The following EPG5 variants were observed in gnomAD, a reference collection of about 807,000 sequenced individuals.
EPG5 encodes ectopic P granules protein 5 homolog.
Under a neutral mutation model 302.7 loss-of-function variants are expected in EPG5, and 159 were observed. That is an observed-to-expected ratio of 0.53 (90% confidence interval 0.46 to 0.60). The LOEUF is 0.60. Among genes scored for constraint, EPG5 ranks in the 20% least tolerant of loss-of-function variants. The pLI is 0.00. For missense variants in EPG5, 2,896 were observed against 3,092.4 expected (o/e 0.94, Z 1.51); for synonymous variants, 1,158 against 1,136.8 (o/e 1.02, Z -0.37).
At chr18:45,900,692 T>C (rs568627283) in intron 26 of EPG5, among the ~76,000 whole-genome samples, 3 of 152,318 alleles carry the variant, frequency 2.0e-5, no homozygotes, top group East Asian at 1.9e-4. Flanking sequence ...TCCAACATCA[T>C]CTTTCCAATA....
chr18:45,837,217 G>T, the EPG5 span: 10 of 1,421,936 alleles, frequency 7.0e-6, no homozygotes, highest in Non-Finnish European at 6.5e-6. Context: ...GGGGTCAAGG[G>T]GCCTGCAGGT....
intron 42 of EPG5, among the ~76,000 whole-genome samples, chr18:45,857,335 T>G (rs946269039): frequency 1.2e-4 from 18 of 152,242 alleles, no homozygotes; most frequent in Middle Eastern, 3.4e-3. Flanking sequence ...GGTCTCGAAC[T>G]CCTGACCTCA....
the EPG5 span, among the ~76,000 whole-genome samples, chr18:45,824,439 C>T: frequency 1.3e-5 from 2 of 152,228 alleles, no homozygotes; most frequent in African/African-American, 4.8e-5. Flanking sequence ...ATCTCCTGAC[C>T]TTGTGATCTG....
At chr18:45,835,388 A>T in the EPG5 span, among the ~76,000 whole-genome samples, 4 of 152,350 alleles carry the variant, frequency 2.6e-5, no homozygotes, top group African/African-American at 9.6e-5. Context: ...ACTGCATCTC[A>T]TGCATGTACT....
At chr18:45,898,475 A>G (rs1002855356) in intron 27 of EPG5, among the ~76,000 whole-genome samples, 4 of 152,258 alleles carry the variant, frequency 2.6e-5, no homozygotes, top group Non-Finnish European at 4.4e-5. Flanking sequence ...TTCCATTGTG[A>G]AGTGCATACC....
chr18:45,948,197 T>C (rs2050829169), intron 6 of EPG5, among the ~76,000 whole-genome samples: 2 of 152,240 alleles, frequency 1.3e-5, no homozygotes, highest in Non-Finnish European at 2.9e-5. Flanking sequence ...CTCTGTGCTA[T>C]TTCTCTTCTG....
the EPG5 span, among the ~76,000 whole-genome samples, chr18:45,820,559 G>A: frequency 3.4e-4 from 52 of 152,228 alleles, no homozygotes; most frequent in African/African-American, 9.6e-4. Context: ...GAGGGTTCCC[G>A]CAGGCTTCTT....
At chr18:45,922,722 G>T in intron 15 of EPG5, 122 bp from the exon 16 acceptor site, 1 of 1,207,130 alleles carries the variant, frequency 8.3e-7, no homozygotes, top group Non-Finnish European at 1.2e-6. Flanking sequence ...CTACTTGCTG[G>T]TCTCCAATTA....
At chr18:45,914,968 T>C (rs1406688296) in intron 20 of EPG5, among the ~76,000 whole-genome samples, 1 of 45,808 alleles carries the variant, frequency 2.2e-5, no homozygotes, top group Non-Finnish European at 3.9e-5. Flanking sequence ...TGTTTTTTAA[T>C]TTAAAAAAAA....
the EPG5 span, among the ~76,000 whole-genome samples, chr18:45,836,380 A>C: frequency 6.6e-6 from 1 of 152,172 alleles, no homozygotes; most frequent in East Asian, 1.9e-4. Context: ...ATTTCCTCTA[A>C]AGATCCTTTT....
chr18:45,931,698 G>C (rs1599599022), intron 11 of EPG5, among the ~76,000 whole-genome samples: 2 of 152,148 alleles, frequency 1.3e-5, no homozygotes, highest in South Asian at 2.1e-4. Context: ...AGCTGGGCGT[G>C]GTGGCACACG....
chr18:45,869,435 G>T (rs771612839), intron 36 of EPG5, among the ~76,000 whole-genome samples: 3 of 152,176 alleles, frequency 2.0e-5, no homozygotes, highest in African/African-American at 4.8e-5. Context: ...AGCTTCTGGG[G>T]TGGTCAGGGT....
At chr18:45,885,345 GA>G (rs767115389) in intron 29 of EPG5, among the ~76,000 whole-genome samples, 7 of 146,580 alleles carry the variant, frequency 4.8e-5, no homozygotes, top group South Asian at 2.2e-4. Flanking sequence ...TCTCAATAAA[GA>G]AAAAAAAAAT....
chr18:45,837,687 CTGCGGCGCGG>C, the EPG5 span: 2 of 1,478,526 alleles, frequency 1.4e-6, no homozygotes, highest in Non-Finnish European at 1.8e-6. Flanking sequence ...TTCCGCTGCG[CTGCGGCGCGG>C]GGCAGCGAGC....
chr18:45,918,391 A>AAGGC (rs2050079120), intron 16 of EPG5, among the ~76,000 whole-genome samples: 1 of 152,220 alleles, frequency 6.6e-6, no homozygotes. Context: ...CTTTGAGTGC[A>AAGGC]ATGTCAGAAC....
rs1428758243 is a variant in EPG5, at chr18:45,850,497, A to T, written c.*1970T>A. On this transcript the variant is annotated 3_prime_UTR_variant, in exon 44 of 44. Transcript: ENST00000282041. ...GTTAAGCAAGAAAGAGTTAAAGAGG[A>T]AGCGCTTTCACTGACCATCTCTGAT... 1 of 152,224 alleles carries T rather than the reference A, an allele frequency of 6.6e-6. No homozygotes were observed. The highest frequency in any genetic ancestry group is 1.5e-5 in the Non-Finnish European group (1 of 68,042). 9.4% of individuals were successfully genotyped at this position (152,224 alleles called of 1,614,324 possible). A position where few individuals can be genotyped will look rare whatever the true frequency, so the allele number is the denominator to read the frequency against.
chr18:45,874,876 C>G (rs2048939483), intron 35 of EPG5, among the ~76,000 whole-genome samples: 1 of 152,192 alleles, frequency 6.6e-6, no homozygotes, highest in Admixed American at 6.5e-5. Flanking sequence ...GAGTGTTAAA[C>G]AGATGCTGAA....
Position 45,934,959 on chromosome 18 carries a change from T to C in EPG5, c.2107A>G (p.Ile703Val), listed in dbSNP as rs769257326. The change falls in exon 11 of 44, where the codon ATT (isoleucine) becomes GTT (valine). Residue 703 changes from isoleucine to valine, a missense_variant. Around this residue, in one of 5 missense-constraint regions of EPG5, gnomAD observed 1,390 missense variants for 1,430.0 expected, o/e 0.97. Coordinates refer to ENST00000282041, the MANE Select transcript of EPG5 (RefSeq NM_020964.3). ...GGCATCTCGGACATAAACAGCCAAA[T>C]GCCAAGTCTGCATGTAAGCAGGAAT... ...LHVLKAKRLGIWLFMSEMPFG... is the reference protein window; with the variant it reads ...LHVLKAKRLGVWLFMSEMPFG... 3 of 1,609,626 alleles carry C rather than the reference T, an allele frequency of 1.9e-6. No homozygotes were observed. In the East Asian group the frequency reaches 6.7e-5, roughly 36 times the overall value.
chr18:45,953,276 G>A (rs2050952751), intron 2 of EPG5: 1 of 983,358 alleles, frequency 1.0e-6, no homozygotes, highest in African/African-American at 1.7e-5. Flanking sequence ...TGAATATGAA[G>A]CCAATGTGAT....
Sources: gnomAD v4.1 joint callset for allele counts (sites outside exome capture counted in the v4.1 genomes callset) on GRCh38, gnomAD v4.1.1 for gene constraint, gnomAD v4.1.1 regional missense constraint, MANE v1.5 for transcripts, NCBI Gene and HGNC (gene_info 2026-07-23, HGNC 2026-07-21) for gene names.